MAPT: variants seen among roughly 807,000 people sequenced by gnomAD.
The protein encoded by MAPT is microtubule associated protein tau, also known as microtubule-associated protein tau.
Under a neutral mutation model 67.9 loss-of-function variants are expected in MAPT, and 34 were observed. The observed-to-expected ratio is 0.50, with a 90% CI of 0.38 to 0.67. MAPT has a LOEUF of 0.67. Among genes scored for constraint, MAPT ranks in the 30% least tolerant of loss-of-function variants. MAPT has a pLI of 0.00. For missense variants in MAPT, 881 were observed against 1,115.2 expected (o/e 0.79, Z 2.99); for synonymous variants, 456 against 464.5 (o/e 0.98, Z 0.23).
intron 1 of MAPT, among the ~76,000 whole-genome samples, chr17:45,912,532 T>G (rs112116311): frequency 0.14 from 21,833 of 152,222 alleles, 2,139 homozygotes; most frequent in Middle Eastern, 0.22. Context: ...GCCAGAAAAG[T>G]CCAGGAACCA....
In MAPT at chr17:45,900,853, A is replaced by T. The variant is rs540990079; in HGVS notation, c.-18+6167A>T. Among the ~76,000 whole-genome samples, 150 of 152,204 alleles carry T rather than the reference A, an allele frequency of 9.9e-4. 1 individual carries two copies. The highest frequency in any genetic ancestry group is 3.5e-3 in the African/African-American group (144 of 41,532). On this transcript the variant is annotated intron_variant, in intron 1 of 12. Transcript: ENST00000262410. ...CTTGGAGTATGATGGTACCTGTCTC[A>T]CGGGTTGCCATGGGGTTCACACAAG...
chr17:45,959,208 CG>C (rs1461279779), intron 1 of MAPT, among the ~76,000 whole-genome samples: 1 of 152,216 alleles, frequency 6.6e-6, no homozygotes, highest in Non-Finnish European at 1.5e-5. Flanking sequence ...CTGCCCTCCA[CG>C]TACAGCCTCC....
chr17:45,969,829 A>G (rs1193354297), intron 2 of MAPT, among the ~76,000 whole-genome samples: 1 of 151,896 alleles, frequency 6.6e-6, no homozygotes, highest in African/African-American at 2.4e-5. Flanking sequence ...ATCTAACCAT[A>G]CATCTCTACA....
Position 45,996,281 on chromosome 17 carries a change from T to C in MAPT, c.1733-118T>C. On this transcript the variant is annotated intron_variant, in intron 8 of 12. Transcript: ENST00000262410. This position sits in a 1 kb window ranked among gnomAD's most constrained non-coding sequence, Gnocchi z 4.5. ...CTGTAGCTGCGCTTCCAACCTGGCT[T>C]CCACCTGCCTAACCCAGTGGTGAGC... is the stretch of plus-strand genomic sequence containing the variant. 1 of 1,154,976 alleles carries C rather than the reference T, an allele frequency of 8.7e-7. No individual in the cohort carries two copies. Among genetic ancestry groups the C allele is most frequent in the Non-Finnish European group, 1.3e-6 (1 of 781,806 alleles). 71.5% of individuals were successfully genotyped at this position (1,154,976 alleles called of 1,614,324 possible). A position where few individuals can be genotyped will look rare whatever the true frequency, so the allele number is the denominator to read the frequency against.
At position 46,026,990 on chromosome 17, in the gene MAPT, G is replaced by A. The variant is rs977354389; in HGVS notation, c.*2819G>A. The stretch of plus-strand genomic sequence containing the variant: ...GAGCTTTACCTGAAAGGAAGTCTCT[G>A]GGCCCAGAACTCTCCACCAAGAGCC... On this transcript the variant is annotated 3_prime_UTR_variant, in exon 13 of 13. Coordinates refer to ENST00000262410, the MANE Select transcript of MAPT (RefSeq NM_001377265.1). 1.3e-5 allele frequency: 2 copies of A among 152,172 alleles called. No homozygotes were observed. Among genetic ancestry groups the A allele is most frequent in the African/African-American group, 2.4e-5 (1 of 41,418 alleles). The allele number at this position is 152,172 out of a possible 1,614,324, so 9.4% of individuals were successfully genotyped here.
rs1034315823 is a variant in MAPT at position 45,896,821 on chromosome 17, C to T, written c.-18+2135C>T. 6.5e-6 allele frequency: 1 copy of T among 153,158 alleles called. No individual in the cohort carries two copies. Among genetic ancestry groups the T allele is most frequent in the Non-Finnish European group, 1.5e-5 (1 of 68,634 alleles). 9.5% of individuals were successfully genotyped at this position (153,158 alleles called of 1,614,324 possible). ...CGCGCCCCCAAAACCGAGTCTGGGG[C>T]GGCAGGGGGAACTCCTGGCCAACGA... On this transcript the variant is annotated intron_variant, in intron 1 of 12. Transcript: ENST00000262410. The surrounding 1 kb of genome is among the most constrained non-coding windows in gnomAD (Gnocchi z 5.6).
chr17:45,908,314 G>A (rs2064478468), intron 1 of MAPT: 3 of 152,212 alleles, frequency 2.0e-5, no homozygotes, highest in African/African-American at 7.2e-5. Context: ...GCTAGAGGCT[G>A]GAAGATGTGG....
intron 8 of MAPT, chr17:45,994,041 G>T: frequency 6.8e-7 from 1 of 1,479,536 alleles, no homozygotes; most frequent in Non-Finnish European, 9.2e-7. Flanking sequence ...TCACTGGCTT[G>T]TGTTTCTAGA....
At position 45,983,353 on chromosome 17, in the gene MAPT, C is replaced by T. The variant is rs761089103; in HGVS notation, c.774C>T (p.His258=). 122 of 1,606,340 alleles carry T rather than the reference C, an allele frequency of 7.6e-5. 1 individual carries two copies. The highest frequency in any genetic ancestry group is 8.0e-5 in the African/African-American group (6 of 74,900). Residue 258 remains histidine, a synonymous_variant, in exon 5 of 13, where the codon CAC becomes CAT. Coordinates refer to ENST00000262410, the MANE Select transcript of MAPT (RefSeq NM_001377265.1). ...CTGAGGACACAGAGGGCGGCCGCCA[C>T]GCCCCTGAGCTGCTCAAGCACCAGC... is the stretch of plus-strand genomic sequence containing the variant. ...TGPEDTEGGR[H]APELLKHQLL... is the part of the protein sequence containing the mutation.
chr17:45,897,495 T>C lies in MAPT; in HGVS notation c.-18+2809T>C, dbSNP rs2063336063. 1 of 152,344 alleles carries C rather than the reference T, an allele frequency of 6.6e-6. No individual in the cohort carries two copies. Among genetic ancestry groups the C allele is most frequent in the Middle Eastern group, 3.4e-3 (1 of 294 alleles). 9.4% of individuals were successfully genotyped at this position (152,344 alleles called of 1,614,324 possible). ...CCTTCGTAGGAAACTCTATCCTGGCTCTGCGCGCGCTTTAAGGAAATGGCT... is the reference window on the plus strand; with the variant it reads ...CCTTCGTAGGAAACTCTATCCTGGCCCTGCGCGCGCTTTAAGGAAATGGCT... On this transcript the variant is annotated intron_variant, in intron 1 of 12. Coordinates refer to ENST00000262410, the MANE Select transcript of MAPT (RefSeq NM_001377265.1). The surrounding 1 kb of genome is among the most constrained non-coding windows in gnomAD (Gnocchi z 5.0).
intron 8 of MAPT, chr17:45,993,865 C>G: frequency 6.6e-7 from 1 of 1,513,726 alleles, no homozygotes; most frequent in Non-Finnish European, 9.0e-7. Flanking sequence ...GTGAAGGACT[C>G]ATTAAGGCCC....
chr17:45,904,990 G>A (rs2064202080), intron 1 of MAPT, among the ~76,000 whole-genome samples: 1 of 152,098 alleles, frequency 6.6e-6, no homozygotes, highest in South Asian at 2.1e-4. Context: ...GGAAACATCA[G>A]GAATAGCCAT....
chr17:45,999,691 T>C (rs746858241), intron 9 of MAPT: 1 of 1,546,888 alleles, frequency 6.5e-7, no homozygotes, highest in Admixed American at 1.9e-5. Context: ...GAGCCCCAGG[T>C]TATGACGTCA....
chr17:45,968,251 C>A (rs1215512116), intron 2 of MAPT, among the ~76,000 whole-genome samples: 1 of 152,094 alleles, frequency 6.6e-6, no homozygotes, highest in Non-Finnish European at 1.5e-5. Flanking sequence ...CTTCCATGTT[C>A]AAGATGTCTC....
intron 12 of MAPT, 67 bp from the exon 13 acceptor site, chr17:46,023,889 G>A: frequency 7.4e-7 from 1 of 1,351,780 alleles, no homozygotes; most frequent in Non-Finnish European, 1.1e-6. Flanking sequence ...GGCCTGGCAG[G>A]GCAGTTGGCA....
At chr17:45,969,601 T>C (rs2071435732) in intron 2 of MAPT, among the ~76,000 whole-genome samples, 1 of 123,080 alleles carries the variant, frequency 8.1e-6, no homozygotes, top group Admixed American at 8.4e-5. Flanking sequence ...ATCCTTCCTA[T>C]CATCCATCCA....
chr17:45,948,089 C>T (rs2068687572), intron 1 of MAPT, among the ~76,000 whole-genome samples: 1 of 151,036 alleles, frequency 6.6e-6, no homozygotes, highest in Non-Finnish European at 1.5e-5. Context: ...TCACTGCAAC[C>T]TCTGCCTCCC....
chr17:45,998,437 A>G (rs1222990847), intron 9 of MAPT, among the ~76,000 whole-genome samples: 1 of 151,990 alleles, frequency 6.6e-6, no homozygotes, highest in Non-Finnish European at 1.5e-5. Context: ...GCCCCAGAGC[A>G]CCTCCTCTCA....
chr17:45,903,870 ATTATATAT>A (rs1461218477), intron 1 of MAPT, among the ~76,000 whole-genome samples: 688 of 42,114 alleles, frequency 0.016, 42 homozygotes, highest in African/African-American at 0.054. Flanking sequence ...TATATTATAT[ATTATATAT>A]TTATATATTT....
Sources: gnomAD v4.1 joint callset for allele counts (sites outside exome capture counted in the v4.1 genomes callset) on GRCh38, gnomAD v4.1.1 for gene constraint, Gnocchi (gnomAD v3.1) non-coding constraint, MANE v1.5 for transcripts, NCBI Gene and HGNC (gene_info 2026-07-23, HGNC 2026-07-21) for gene names.